Variants in ASIC2 observed in about 807,000 individuals in gnomAD.
The protein encoded by ASIC2 is acid-sensing ion channel 2.
Under a neutral mutation model 57.3 loss-of-function variants are expected in ASIC2, and 25 were observed. The observed-to-expected ratio is 0.44, with a 90% CI of 0.32 to 0.61. The LOEUF is 0.61. ASIC2 is among the 20% of genes least tolerant of loss of function. The pLI is 0.06. For missense variants in ASIC2, 641 were observed against 738.1 expected (o/e 0.87, Z 1.52); for synonymous variants, 319 against 307.5 (o/e 1.04, Z -0.39).
intron 1 of ASIC2, among the ~76,000 whole-genome samples, chr17:33,419,111 G>T (rs1018412818): frequency 7.2e-5 from 11 of 152,194 alleles, no homozygotes; most frequent in Middle Eastern, 3.2e-3. Context: ...TAATAAAAAA[G>T]AATCAGAGAC....
intron 1 of ASIC2, among the ~76,000 whole-genome samples, chr17:33,490,865 T>A (rs1195905811): frequency 2.0e-5 from 3 of 152,208 alleles, no homozygotes. Flanking sequence ...TCGCCGGGGA[T>A]AATCAAAATT....
chr17:33,516,407 A>AGT (rs113344287), intron 1 of ASIC2, among the ~76,000 whole-genome samples: 1,795 of 148,326 alleles, frequency 0.012, 16 homozygotes, highest in Middle Eastern at 0.021. Flanking sequence ...TGTGAGTGTG[A>AGT]GTGTGTGTGT....
At chr17:33,946,905 G>C (rs1431719196) in intron 1 of ASIC2, among the ~76,000 whole-genome samples, 1 of 152,194 alleles carries the variant, frequency 6.6e-6, no homozygotes, top group African/African-American at 2.4e-5. Context: ...TAGTCTGGCA[G>C]TTTGGGGTGA....
chr17:34,000,871 AT>A (rs1292446306), intron 1 of ASIC2: 18 of 151,990 alleles, frequency 1.2e-4, no homozygotes, highest in African/African-American at 4.1e-4. Flanking sequence ...CTTTATGAAC[AT>A]TTTTAGTTTA....
rs546831868 is a variant in ASIC2, at chr17:33,522,651, T to C, written c.556-410584A>G. Among the ~76,000 whole-genome samples, 56 of 152,364 alleles carry C rather than the reference T, an allele frequency of 3.7e-4. 1 individual carries two copies. The South Asian group carries it at 0.012, about 32-fold the overall frequency. ...ACAGGACTCAGTGACTATCAGTTTC[T>C]TTCATTGAGATTTTCAGTTTTCTCA... On this transcript the variant is annotated intron_variant, in intron 1 of 9. Coordinates refer to the ASIC2 transcript ENST00000359872.
At chr17:33,162,367 C>T (rs1216928068) in intron 1 of ASIC2, among the ~76,000 whole-genome samples, 1 of 152,200 alleles carries the variant, frequency 6.6e-6, no homozygotes, top group Non-Finnish European at 1.5e-5. Flanking sequence ...AATCTCCTCG[C>T]ACGGAACATC....
At chr17:33,044,543 G>A (rs1042876355) in intron 3 of ASIC2, among the ~76,000 whole-genome samples, 1 of 151,930 alleles carries the variant, frequency 6.6e-6, no homozygotes, top group Non-Finnish European at 1.5e-5. Flanking sequence ...TTGTATTTTT[G>A]TAGAGATGGG....
chr17:33,994,802 T>C (rs547550196), intron 1 of ASIC2, among the ~76,000 whole-genome samples: 27 of 152,078 alleles, frequency 1.8e-4, no homozygotes, highest in African/African-American at 6.5e-4. Context: ...GGGAAACTGA[T>C]GATTCTACAC....
intron 1 of ASIC2, among the ~76,000 whole-genome samples, chr17:33,129,353 C>A (rs1191980004): frequency 1.3e-5 from 2 of 152,122 alleles, no homozygotes; most frequent in Non-Finnish European, 2.9e-5. Context: ...GAAATGGCTG[C>A]AGGAACTAGG....
intron 1 of ASIC2, among the ~76,000 whole-genome samples, chr17:33,181,378 C>T (rs955361552): frequency 3.9e-5 from 6 of 152,266 alleles, no homozygotes; most frequent in African/African-American, 7.2e-5. Context: ...TCATTAAATC[C>T]TTTCAGCAAC....
chr17:34,050,154 G>T (rs913635440), intron 1 of ASIC2, among the ~76,000 whole-genome samples: 2 of 152,166 alleles, frequency 1.3e-5, no homozygotes, highest in Non-Finnish European at 2.9e-5. Flanking sequence ...GCAAAGAATA[G>T]CCCAAGAAGA....
chr17:33,779,324 T>C (rs921676019), intron 1 of ASIC2, among the ~76,000 whole-genome samples: 8 of 152,070 alleles, frequency 5.3e-5, no homozygotes, highest in African/African-American at 1.7e-4. Flanking sequence ...CAGATTTATC[T>C]CAACCGCTCA....
Position 33,091,338 on chromosome 17 carries a change from G to A in ASIC2, c.860-2348C>T, listed in dbSNP as rs117254483. Among the ~76,000 whole-genome samples the A allele has an allele frequency of 9.5e-3, 1,452 of 152,310 alleles. 8 individuals are homozygous for A. Among genetic ancestry groups the A allele is most frequent in the Admixed American group, 0.018 (278 of 15,304 alleles). On this transcript the variant is annotated intron_variant, in intron 2 of 9. Coordinates refer to ENST00000225823, the MANE Select transcript of ASIC2 (RefSeq NM_183377.2). ...TGGGGAAGAAGGGTGAGTGTGGAGG[G>A]CTGTTGGGATGACAGGGATGCCCCT...
intron 1 of ASIC2, among the ~76,000 whole-genome samples, chr17:33,420,076 T>C (rs546342706): frequency 1.0e-3 from 159 of 152,330 alleles, no homozygotes; most frequent in Middle Eastern, 3.4e-3. Context: ...CGTTTCATTA[T>C]GTAAATGCAT....
chr17:34,023,374 CACAA>C lies in ASIC2; in HGVS notation c.555+132600_555+132603del, dbSNP rs1176185256. Among the ~76,000 whole-genome samples, 5 of 99,332 alleles carry C rather than the reference CACAA, an allele frequency of 5.0e-5. No homozygotes were observed. In the East Asian group the frequency reaches 1.2e-3, roughly 23 times the overall value. 65.2% of individuals were successfully genotyped at this position (99,332 alleles called of 152,430 possible). Reference sequence around the variant, plus strand: ...TCTCTTTCTCTCTCTCTCTCTCTGTCACAAACACACACACACACACACACACACA... The same window carrying C: ...TCTCTTTCTCTCTCTCTCTCTCTGTCACACACACACACACACACACACACA... On this transcript the variant is annotated intron_variant, in intron 1 of 9. Coordinates refer to the ASIC2 transcript ENST00000359872.
chr17:33,748,709 C>G (rs1414562278), intron 1 of ASIC2, among the ~76,000 whole-genome samples: 2 of 152,224 alleles, frequency 1.3e-5, no homozygotes, highest in Non-Finnish European at 2.9e-5. Context: ...CTCATGATCT[C>G]TGAGCTGCCT....
intron 1 of ASIC2, among the ~76,000 whole-genome samples, chr17:33,129,550 T>A (rs1175747301): frequency 6.6e-6 from 1 of 152,248 alleles, no homozygotes; most frequent in Non-Finnish European, 1.5e-5. Context: ...CAATAACCTT[T>A]CTTGGGAGAT....
At chr17:33,192,757 T>A (rs979115785) in intron 1 of ASIC2, among the ~76,000 whole-genome samples, 1 of 152,248 alleles carries the variant, frequency 6.6e-6, no homozygotes, top group African/African-American at 2.4e-5. Context: ...ATGCAATTTC[T>A]CATAAGTACC....
intron 1 of ASIC2, among the ~76,000 whole-genome samples, chr17:33,743,037 C>T (rs1490917): frequency 0.17 from 25,632 of 152,168 alleles, 3,148 homozygotes; most frequent in African/African-American, 0.35. Context: ...CTTGCCTCCT[C>T]TACCCTTTAT....
Sources: gnomAD v4.1 joint callset for allele counts (sites outside exome capture counted in the v4.1 genomes callset) on GRCh38, gnomAD v4.1.1 for gene constraint, MANE v1.5 for transcripts, NCBI Gene and HGNC (gene_info 2026-07-23, HGNC 2026-07-21) for gene names.